The following RREB1 variants were observed in gnomAD, a reference collection of about 807,000 sequenced individuals.
RREB1 encodes ras responsive element binding protein 1, also known as ras-responsive element-binding protein 1.
RREB1 carries 27 observed loss-of-function variants against 117.8 expected under a neutral mutation model. The observed-to-expected ratio is 0.23, with a 90% CI of 0.17 to 0.32. The LOEUF is 0.32. RREB1 is among the 10% of genes least tolerant of loss of function. RREB1 has a pLI of 1.00. For missense variants in RREB1, 2,577 were observed against 2,378.2 expected (o/e 1.08, Z -1.74); for synonymous variants, 1,298 against 1,026.7 (o/e 1.26, Z -5.05).
Position 7,230,304 on chromosome 6 carries a change from G to T in RREB1, c.2205G>T (p.Glu735Asp), listed in dbSNP as rs1412191875. Residue 735 changes from glutamate to aspartate, a missense_variant, in exon 10 of 13, where the codon GAG (glutamate) becomes GAT (aspartate). Physicochemically the swap from Glu to Asp is conservative, Grantham distance 45 (BLOSUM62 2). Transcript: ENST00000379938. ...GCAAGGATATCGAGAAGAACATCGA[G>T]TATGTGAGTAGCAGCGCGGCCGAGC... is the stretch of plus-strand genomic sequence containing the variant. Reference protein sequence around the residue: ...ATRKDIEKNIEYVSSSAAELV... With the variant: ...ATRKDIEKNIDYVSSSAAELV... 2 of 1,592,656 alleles carry T rather than the reference G, an allele frequency of 1.3e-6. No homozygotes were observed. Among genetic ancestry groups the T allele is most frequent in the Admixed American group, 3.4e-5 (2 of 59,310 alleles).
At chr6:7,232,037 C>G in intron 10 of RREB1, 130 bp downstream of exon 10, 1 of 934,924 alleles carries the variant, frequency 1.1e-6, no homozygotes, top group Non-Finnish European at 1.6e-6. Flanking sequence ...TCCCCGGTCT[C>G]CGAAGCCCCG....
intron 6 of RREB1, among the ~76,000 whole-genome samples, chr6:7,207,778 T>C (rs1382024548): frequency 6.6e-6 from 1 of 152,198 alleles, no homozygotes; most frequent in African/African-American, 2.4e-5. Flanking sequence ...GAGAACGCAT[T>C]ACAGAAACGC....
chr6:7,131,770 T>C (rs1429533632), intron 1 of RREB1, among the ~76,000 whole-genome samples: 1 of 152,174 alleles, frequency 6.6e-6, no homozygotes, highest in Non-Finnish European at 1.5e-5. Flanking sequence ...CCAAAGCTGA[T>C]GGCTTCTATT....
At chr6:7,218,417 A>G (rs186046457) in intron 8 of RREB1, 1 of 148,948 alleles carries the variant, frequency 6.7e-6, no homozygotes, top group East Asian at 2.0e-4. Context: ...CGCCAGATGA[A>G]TAAAATACTA....
chr6:7,118,831 T>TAG (rs1561725358), intron 1 of RREB1, among the ~76,000 whole-genome samples: 3 of 63,582 alleles, frequency 4.7e-5, no homozygotes, highest in Non-Finnish European at 5.9e-5. Context: ...TTTTTTTTTT[T>TAG]AGAGACAGGG....
intron 1 of RREB1, among the ~76,000 whole-genome samples, chr6:7,154,759 A>G (rs186686123): frequency 7.2e-5 from 11 of 152,240 alleles, no homozygotes; most frequent in African/African-American, 1.9e-4. Flanking sequence ...CTACCATGCA[A>G]TTCCGCTTGT....
intron 2 of RREB1, among the ~76,000 whole-genome samples, chr6:7,177,370 T>C (rs976323443): frequency 1.3e-5 from 2 of 151,776 alleles, no homozygotes; most frequent in South Asian, 2.1e-4. Context: ...TTTTTTTTTT[T>C]CCCTTTTCTC....
chr6:7,149,981 G>A (rs549033150), intron 1 of RREB1, among the ~76,000 whole-genome samples: 35 of 150,418 alleles, frequency 2.3e-4, no homozygotes, highest in Non-Finnish European at 3.4e-4. Context: ...GGGCCACTGC[G>A]CCTGGCCTGG....
chr6:7,233,784 C>T (rs1022105252), intron 10 of RREB1, among the ~76,000 whole-genome samples: 3 of 151,988 alleles, frequency 2.0e-5, no homozygotes, highest in Admixed American at 6.6e-5. Context: ...TGGAGAAGCT[C>T]GTGGAAGGAT....
At position 7,127,367 on chromosome 6, in the gene RREB1, C is replaced by CT. The variant is rs199807684; in HGVS notation, c.-285+19316dup. Among the ~76,000 whole-genome samples the CT allele has an allele frequency of 3.8e-3, 576 of 150,928 alleles. 3 individuals carry two copies. The highest frequency in any genetic ancestry group is 0.012 in the African/African-American group (478 of 41,094). The stretch of plus-strand genomic sequence containing the variant: ...TCTCTTTAACAGAATAACTTCTTCC[C>CT]TTTTTTTTTACAAGAGATTTTTCAA... On this transcript the variant is annotated intron_variant, in intron 1 of 12. Transcript: ENST00000379938.
At chr6:7,151,757 A>G (rs1210044157) in intron 1 of RREB1, among the ~76,000 whole-genome samples, 1 of 152,250 alleles carries the variant, frequency 6.6e-6, no homozygotes, top group East Asian at 1.9e-4. Context: ...AGCAGAGATC[A>G]TCTTGTTAAG....
intron 1 of RREB1, among the ~76,000 whole-genome samples, chr6:7,174,985 A>T (rs1764427370): frequency 6.6e-6 from 1 of 152,110 alleles, no homozygotes; most frequent in South Asian, 2.1e-4. Context: ...TATGAGTAAA[A>T]CTATGGTTCA....
intron 1 of RREB1, among the ~76,000 whole-genome samples, chr6:7,109,310 C>T (rs1561718858): frequency 1.3e-5 from 2 of 152,250 alleles, no homozygotes; most frequent in African/African-American, 4.8e-5. Flanking sequence ...CGCCCCCTCC[C>T]CGCTCGCGGT....
At chr6:7,237,398 T>A (rs1768404491) in intron 10 of RREB1, among the ~76,000 whole-genome samples, 1 of 151,332 alleles carries the variant, frequency 6.6e-6, no homozygotes, top group South Asian at 2.1e-4. Context: ...TTTTTTTTAT[T>A]ATTATTTGTT....
chr6:7,236,764 G>A (rs953327785), intron 10 of RREB1, among the ~76,000 whole-genome samples: 13 of 151,186 alleles, frequency 8.6e-5, no homozygotes, highest in Non-Finnish European at 1.6e-4. Context: ...GGAGGCCAAG[G>A]CCCCAATCTC....
rs1769012059 is a variant in RREB1, at chr6:7,246,279, T to G, written c.3974-145T>G. The G allele has an allele frequency of 2.2e-5, 14 of 624,356 alleles. No homozygotes were observed. The South Asian group carries it at 4.0e-4, about 18-fold the overall frequency. The allele number at this position is 624,356 out of a possible 1,614,324, so 38.7% of individuals were successfully genotyped here. Reference sequence around the variant, plus strand: ...TGGTCCTCCTGGGGGATGTAACAGGTGGTGAGGATTTGGGCCGAAAGAAGT... The same window carrying G: ...TGGTCCTCCTGGGGGATGTAACAGGGGGTGAGGATTTGGGCCGAAAGAAGT... On this transcript the variant is annotated intron_variant, in intron 11 of 12. Transcript: ENST00000379938.
rs757854749 is a variant in RREB1, at chr6:7,246,782, G to T, written c.4332G>T (p.Gln1444His). Residue 1444 changes from glutamine to histidine, a missense_variant, in exon 12 of 13, where the codon CAG (glutamine) becomes CAT (histidine). By Grantham distance (24) the Gln-to-His change is conservative. Coordinates refer to ENST00000379938, the MANE Select transcript of RREB1 (RefSeq NM_001003699.4). ...GEAGAGGAAS[Q>H]EQKLACDTCG... ...CAGGCGCCGGGGGCGCGGCCTCGCA[G>T]GAGCAGAAGCTCGCCTGCGACACCT... The T allele has an allele frequency of 3.5e-5, 55 of 1,550,540 alleles. No individual in the cohort carries two copies. Among genetic ancestry groups the T allele is most frequent in the Non-Finnish European group, 4.7e-5 (54 of 1,149,220 alleles).
At chr6:7,148,636 T>C (rs1350347789) in intron 1 of RREB1, among the ~76,000 whole-genome samples, 1 of 152,132 alleles carries the variant, frequency 6.6e-6, no homozygotes, top group Admixed American at 6.5e-5. Context: ...AAGGCTGAAT[T>C]AATCATACAT....
chr6:7,161,454 A>C (rs1023698875), intron 1 of RREB1, among the ~76,000 whole-genome samples: 1 of 152,216 alleles, frequency 6.6e-6, no homozygotes, highest in African/African-American at 2.4e-5. Flanking sequence ...TAGACTTGAC[A>C]CAGAAGAGAA....
Sources: gnomAD v4.1 joint callset for allele counts (sites outside exome capture counted in the v4.1 genomes callset) on GRCh38, gnomAD v4.1.1 for gene constraint, MANE v1.5 for transcripts, NCBI Gene and HGNC (gene_info 2026-07-23, HGNC 2026-07-21) for gene names.